Variants in ARMCX4 observed in about 807,000 individuals in gnomAD.
The protein encoded by ARMCX4 is armadillo repeat containing X-linked 4, also known as armadillo repeat-containing X-linked protein 4.
In ARMCX4, 3 loss-of-function variants were observed where a neutral mutation model predicts 34.7. The observed-to-expected ratio is 0.09, with a 90% CI of 0.04 to 0.22. The LOEUF (loss-of-function observed/expected upper bound fraction) is 0.22, where lower values mean the gene tolerates loss of function less well. Ranked by LOEUF, ARMCX4 falls within the 10% of genes least tolerant of loss-of-function variation. The probability of loss-of-function intolerance (pLI) is 1.00; values close to 1 mark genes in which losing one functional copy is unlikely to be tolerated. For missense variants in ARMCX4, 1,448 were observed against 1,720.8 expected (o/e 0.84, Z 2.81); for synonymous variants, 513 against 632.8 (o/e 0.81, Z 2.84).
At chrX:101,512,255 G>A (rs1376683301) in intron 11 of ARMCX4, among the ~76,000 whole-genome samples, 2 of 111,450 alleles carry the variant, frequency 1.8e-5, no homozygotes, top group Admixed American at 9.5e-5. Context: ...GGTGGCAGGC[G>A]CCTGTAATCT....
chrX:101,528,937 C>G (rs1935051554), intron 11 of ARMCX4, among the ~76,000 whole-genome samples: 1 of 111,261 alleles, frequency 9.0e-6, no homozygotes, highest in African/African-American at 3.3e-5. Flanking sequence ...CAGTGCCATC[C>G]CCATCAAGCT....
In ARMCX4 at chrX:101,493,617, G is replaced by A. The variant is rs782464541; in HGVS notation, c.5028G>A (p.Gly1676=). 9 of 1,151,615 alleles carry A rather than the reference G, an allele frequency of 7.8e-6. No individual in the cohort carries two copies. The highest frequency in any genetic ancestry group is 8.0e-6 in the Non-Finnish European group (7 of 871,894). 94.9% of individuals were successfully genotyped at this position (1,151,615 alleles called of 1,213,427 possible). A position where few individuals can be genotyped will look rare whatever the true frequency, so the allele number is the denominator to read the frequency against. Residue 1676 remains glycine (G), a synonymous_variant, in exon 6 of 6, where the codon GGG becomes GGA. Transcript: ENST00000423738. ...GAGGAGGCTCCTGGGCTGGTGCTGGGAGCCAAGCCAGTGGAGAATCCTGGG... is the reference window on the plus strand; with the variant it reads ...GAGGAGGCTCCTGGGCTGGTGCTGGAAGCCAAGCCAGTGGAGAATCCTGGG... ...ACGGGSWAGA[G]SQASGESWAG...
At chrX:101,508,929 A>G (rs1934518361) in intron 8 of ARMCX4, among the ~76,000 whole-genome samples, 1 of 110,966 alleles carries the variant, frequency 9.0e-6, no homozygotes, top group Non-Finnish European at 1.9e-5. Context: ...TTTTAGTTAT[A>G]TTGACAGTAT....
At chrX:101,530,338 G>A (rs1245455616) in intron 11 of ARMCX4, among the ~76,000 whole-genome samples, 6 of 111,400 alleles carry the variant, frequency 5.4e-5, no homozygotes, top group Non-Finnish European at 7.5e-5. Context: ...CTTCCGTGGG[G>A]TTGGAGGATG....
At chrX:101,471,920 G>T (rs1341060768) in intron 4 of ARMCX4, among the ~76,000 whole-genome samples, 1 of 105,790 alleles carries the variant, frequency 9.5e-6, no homozygotes, top group Non-Finnish European at 1.9e-5. Context: ...CCAAAGGAAC[G>T]CAGTTCCTCA....
intron 11 of ARMCX4, among the ~76,000 whole-genome samples, chrX:101,529,073 A>G (rs1222357450): frequency 8.9e-6 from 1 of 111,736 alleles, no homozygotes; most frequent in Non-Finnish European, 1.9e-5. Context: ...ACGCTACCTG[A>G]CTTCAAACTA....
At chrX:101,470,604 C>T (rs1556002830) in intron 4 of ARMCX4, among the ~76,000 whole-genome samples, 3 of 112,116 alleles carry the variant, frequency 2.7e-5, no homozygotes, top group African/African-American at 9.7e-5. Flanking sequence ...TAGGTGTGAG[C>T]TGCCGTGCTG....
intron 4 of ARMCX4, among the ~76,000 whole-genome samples, chrX:101,469,209 T>A (rs973109832): frequency 8.9e-6 from 1 of 112,475 alleles, no homozygotes; most frequent in Admixed American, 9.4e-5. Flanking sequence ...TTATACCACT[T>A]ATCAGTTATC....
At chrX:101,479,892 G>A (rs181413434) in intron 4 of ARMCX4, among the ~76,000 whole-genome samples, 1,322 of 110,570 alleles carry the variant, frequency 0.012, 12 homozygotes, top group Middle Eastern at 0.028. Flanking sequence ...GTTGGAAAAA[G>A]CAGGGCAATG....
chrX:101,504,992 G>A (rs951804812), exon 8 of ARMCX4: 2 of 111,443 alleles, frequency 1.8e-5, no homozygotes, highest in East Asian at 5.7e-4. Context: ...TGAACTCTTC[G>A]AATTTGAAGT....
chrX:101,471,588 C>A (rs782049819), intron 4 of ARMCX4, among the ~76,000 whole-genome samples: 43 of 111,910 alleles, frequency 3.8e-4, no homozygotes, highest in African/African-American at 1.3e-3. Context: ...CAGTGGTTCT[C>A]CCAGCACGCA....
rs782509112 is a variant in ARMCX4 at position 101,422,077 on chromosome X, G to A, written n.164+3077G>A. 5.9e-3 allele frequency among the ~76,000 whole-genome samples: 626 copies of A among 106,946 alleles called. 13 individuals carry two copies. The highest frequency in any genetic ancestry group is 0.02 in the African/African-American group (597 of 29,284). 92.9% of individuals were successfully genotyped at this position (106,946 alleles called of 115,157 possible). On this transcript the variant is annotated intron_variant and non_coding_transcript_variant, in intron 2 of 3. Coordinates refer to the ARMCX4 transcript ENST00000430461. ...GTTGCCCAGGCTGGAGTGCAATGAT[G>A]TGATTTCGGCTCACTGCAACCTCTG...
intron 2 of ARMCX4, among the ~76,000 whole-genome samples, chrX:101,423,090 A>G (rs928435262): frequency 8.4e-5 from 9 of 107,530 alleles, no homozygotes; most frequent in Non-Finnish European, 1.7e-4. Flanking sequence ...TTGTATTTTT[A>G]CTAGAGACAA....
intron 11 of ARMCX4, among the ~76,000 whole-genome samples, chrX:101,526,162 G>A (rs967677534): frequency 1.8e-5 from 2 of 112,203 alleles, no homozygotes; most frequent in Non-Finnish European, 3.8e-5. Context: ...AGCCAGAAGA[G>A]AGTGGGGGCC....
chrX:101,469,814 C>G (rs1932859646), intron 4 of ARMCX4, among the ~76,000 whole-genome samples: 1 of 111,467 alleles, frequency 9.0e-6, no homozygotes, highest in South Asian at 3.8e-4. Context: ...TGGGCTGAAG[C>G]AGGTTTCCAT....
chrX:101,530,406 C>T (rs1458850005), intron 11 of ARMCX4, among the ~76,000 whole-genome samples: 1 of 110,876 alleles, frequency 9.0e-6, no homozygotes, highest in Admixed American at 9.6e-5. Context: ...ATGGGTGCAG[C>T]AAACCAACAT....
At chrX:101,531,490 A>G (rs1376046141) in intron 11 of ARMCX4, among the ~76,000 whole-genome samples, 1 of 112,349 alleles carries the variant, frequency 8.9e-6, no homozygotes, top group Non-Finnish European at 1.9e-5. Context: ...AAAGAAGAAT[A>G]GAAGTAAAAA....
In ARMCX4 at chrX:101,491,579, A is replaced by G. The variant is rs1556009200; in HGVS notation, c.2990A>G (p.Gln997Arg). The G allele has an allele frequency of 2.6e-6, 3 of 1,156,612 alleles. No individual in the cohort carries two copies. Among genetic ancestry groups the G allele is most frequent in the Non-Finnish European group, 3.4e-6 (3 of 873,081 alleles). Residue 997 changes from glutamine to arginine, a missense_variant, in exon 6 of 6, where the codon CAG becomes CGG. Physicochemically the swap from Gln to Arg is conservative, Grantham distance 43. Around this residue, in one of 2 missense-constraint regions of ARMCX4, gnomAD observed 1,343 missense variants for 1,540.7 expected, o/e 0.87. Coordinates refer to ENST00000423738, the MANE Select transcript of ARMCX4 (RefSeq NM_001256155.3). ...CAGCCCCAAGCTGTCGCTAATTCCC[A>G]GAGTGAGACCTTGCTTGGTGCCAGG... ...SAQPQAVANS[Q>R]SETLLGARNK...
intron 4 of ARMCX4, among the ~76,000 whole-genome samples, chrX:101,466,975 A>AG (rs1439702752): frequency 8.9e-6 from 1 of 112,549 alleles, no homozygotes; most frequent in Non-Finnish European, 1.9e-5. Context: ...ATCTTCCTAG[A>AG]GGAATCTCTT....
Sources: gnomAD v4.1 joint callset for allele counts (sites outside exome capture counted in the v4.1 genomes callset) on GRCh38, gnomAD v4.1.1 for gene constraint, gnomAD v4.1.1 regional missense constraint, MANE v1.5 for transcripts, NCBI Gene and HGNC (gene_info 2026-07-23, HGNC 2026-07-21) for gene names.